Variants in NIPSNAP3B observed in about 807,000 individuals in gnomAD.
NIPSNAP3B encodes nipsnap homolog 3B.
NIPSNAP3B carries 30 observed loss-of-function variants against 31.5 expected under a neutral mutation model. That is an observed-to-expected ratio of 0.95 (90% CI 0.71 to 1.29). NIPSNAP3B has a LOEUF of 1.29. Ranked by LOEUF, NIPSNAP3B falls within the 50% of genes most tolerant of loss-of-function variation. The pLI, the probability that NIPSNAP3B is intolerant of heterozygous loss-of-function variation, is 0.00. For missense variants in NIPSNAP3B, 269 were observed against 300.7 expected, an observed-to-expected ratio of 0.89 and a Z score of 0.78; for synonymous variants, 106 against 107.9, an observed-to-expected ratio of 0.98 and a Z score of 0.11.
intron 2 of NIPSNAP3B, among the ~76,000 whole-genome samples, chr9:104,767,524 G>A (rs1373234185): frequency 2.0e-5 from 3 of 152,100 alleles, no homozygotes; most frequent in Non-Finnish European, 2.9e-5. Flanking sequence ...AATTTAATAT[G>A]AAAAGTGTTC....
At chr9:104,788,598 T>G in the NIPSNAP3B span, 5 of 1,613,458 alleles carry the variant, frequency 3.1e-6, no homozygotes, top group Non-Finnish European at 4.2e-6. Flanking sequence ...ACTTAGATTT[T>G]AAGCAGGTAG....
downstream of NIPSNAP3B, chr9:104,782,574 G>A (rs1828606598): frequency 6.6e-6 from 1 of 152,092 alleles, no homozygotes; most frequent in Non-Finnish European, 1.5e-5. Flanking sequence ...AGAAAAATAA[G>A]ACTGGGTTAG....
At chr9:104,771,020 A>G (rs750539868) in intron 4 of NIPSNAP3B, 22 bp downstream of exon 4, 42 of 1,611,430 alleles carry the variant, frequency 2.6e-5, no homozygotes, top group Non-Finnish European at 2.7e-5. Flanking sequence ...CATTTGTTCT[A>G]TGAAGTTGCC....
In NIPSNAP3B at chr9:104,772,830, C is replaced by T; in HGVS notation, c.589C>T (p.Leu197Phe). ...EYGELNRVHV[L>F]WWNESADSRA... The stretch of plus-strand genomic sequence containing the variant: ...GTGGTTTATTTCTGCAGTTCATGTT[C>T]TTTGGTGGAATGAGAGTGCAGATAG... The change falls in exon 5 of 6, where the codon CTT (leucine) becomes TTT (phenylalanine). Residue 197 changes from leucine to phenylalanine, a missense_variant. Transcript: ENST00000374762. 1 of 1,612,612 alleles carries T rather than the reference C, an allele frequency of 6.2e-7. No homozygotes were observed. The highest frequency in any genetic ancestry group is 8.5e-7 in the Non-Finnish European group (1 of 1,179,276).
In NIPSNAP3B at chr9:104,773,372, T is replaced by G. The variant is rs958117678; in HGVS notation, c.*299T>G. On this transcript the variant is annotated 3_prime_UTR_variant, in exon 6 of 6. Coordinates refer to ENST00000374762, the MANE Select transcript of NIPSNAP3B (RefSeq NM_018376.4). ...ACCTCTTCTGTATTTTGATAACTCA[T>G]TGCTTTATAGCATTTTCTTTTACTC... 1.5e-5 allele frequency: 4 copies of G among 261,936 alleles called. No homozygotes were observed. Among genetic ancestry groups the G allele is most frequent in the Non-Finnish European group, 2.2e-5 (3 of 138,226 alleles). 16.2% of individuals were successfully genotyped at this position (261,936 alleles called of 1,614,324 possible).
At chr9:104,786,273 A>G in the NIPSNAP3B span, 1 of 1,574,200 alleles carries the variant, frequency 6.4e-7, no homozygotes, top group Non-Finnish European at 8.7e-7. Flanking sequence ...ACTAGGCACT[A>G]TCCCAAAGAA....
chr9:104,780,630 T>A (rs936664872), downstream of NIPSNAP3B, among the ~76,000 whole-genome samples: 8 of 152,194 alleles, frequency 5.3e-5, no homozygotes, highest in Non-Finnish European at 1.0e-4. Flanking sequence ...TGTCCTTATA[T>A]TTTTGGTTGA....
At chr9:104,767,676 T>G (rs114587458) in intron 2 of NIPSNAP3B, among the ~76,000 whole-genome samples, 1,692 of 152,282 alleles carry the variant, frequency 0.011, 29 homozygotes, top group African/African-American at 0.039. Context: ...TATAATTCAT[T>G]TATATGCTTT....
intron 1 of NIPSNAP3B, among the ~76,000 whole-genome samples, chr9:104,764,649 C>A (rs914421911): frequency 9.8e-5 from 15 of 152,344 alleles, no homozygotes; most frequent in African/African-American, 3.4e-4. Flanking sequence ...AAGCGATTCT[C>A]CTGCCTCATC....
chr9:104,764,456 G>T (rs1318801547), intron 1 of NIPSNAP3B, among the ~76,000 whole-genome samples, 156 bp downstream of exon 1: 1 of 152,238 alleles, frequency 6.6e-6, no homozygotes, highest in African/African-American at 2.4e-5. Flanking sequence ...CGTCTGGCGC[G>T]CAAGGAGGAG....
At chr9:104,764,395 C>A in intron 1 of NIPSNAP3B, 95 bp downstream of exon 1, 1 of 1,128,914 alleles carries the variant, frequency 8.9e-7, no homozygotes, top group Non-Finnish European at 1.2e-6. Context: ...CAGGCGCTCC[C>A]AGACCTGGGG....
chr9:104,785,466 C>CTGAA, the NIPSNAP3B span: 1 of 1,594,500 alleles, frequency 6.3e-7, no homozygotes, highest in Non-Finnish European at 8.6e-7. Flanking sequence ...GGAGAGGATG[C>CTGAA]TGAATATCCT....
chr9:104,788,041 G>A, the NIPSNAP3B span: 329 of 1,614,110 alleles, frequency 2.0e-4, no homozygotes, highest in Middle Eastern at 1.8e-3. Context: ...TTTCCGAATC[G>A]CCCACTCACC....
At chr9:104,764,383 C>T in intron 1 of NIPSNAP3B, 83 bp downstream of exon 1, 2 of 1,241,982 alleles carry the variant, frequency 1.6e-6, no homozygotes, top group South Asian at 3.0e-5. Flanking sequence ...GCGAGCCACG[C>T]TCAGGCGCTC....
chr9:104,770,956 G>C lies in NIPSNAP3B; in HGVS notation c.538G>C (p.Val180Leu). 1 of 1,613,922 alleles carries C rather than the reference G, an allele frequency of 6.2e-7. No homozygotes were observed. The highest frequency in any genetic ancestry group is 8.5e-7 in the Non-Finnish European group (1 of 1,179,816). The change falls in exon 4 of 6, where the codon GTA (valine) becomes CTA (leucine). Residue 180 changes from valine to leucine, a missense_variant. Coordinates refer to ENST00000374762, the MANE Select transcript of NIPSNAP3B (RefSeq NM_018376.4). ...NAHVNLGYTK[V>L]VGVFHTEYGE... is the part of the protein sequence containing the mutation. ...CCATGTCAATTTAGGCTACACAAAA[G>C]TAGTTGGTGTTTTCCACACAGAATA...
intron 1 of NIPSNAP3B, 87 bp downstream of exon 1, chr9:104,764,387 G>T: frequency 8.3e-7 from 1 of 1,209,850 alleles, no homozygotes; most frequent in African/African-American, 1.6e-5. Context: ...GCCACGCTCA[G>T]GCGCTCCCAG....
chr9:104,789,462 G>A, the NIPSNAP3B span, among the ~76,000 whole-genome samples: 7 of 152,216 alleles, frequency 4.6e-5, no homozygotes, highest in Non-Finnish European at 8.8e-5. Flanking sequence ...CAGGAGAGGA[G>A]ATCATGAATA....
the NIPSNAP3B span, chr9:104,782,848 TA>T: frequency 0.31 from 41,813 of 136,024 alleles, 6,115 homozygotes; most frequent in East Asian, 0.54. Context: ...TTGTTGCAAT[TA>T]AAAAAAAAAA....
Position 104,773,240 on chromosome 9 carries a change from T to G in NIPSNAP3B, c.*167T>G. On this transcript the variant is annotated 3_prime_UTR_variant, in exon 6 of 6. Transcript: ENST00000374762. ...TTGAAAGTTACATATTCTCCACTGCTTTAAGAAATAATTCAGTTCACTTTC... is the reference window on the plus strand; with the variant it reads ...TTGAAAGTTACATATTCTCCACTGCGTTAAGAAATAATTCAGTTCACTTTC... 1.6e-6 allele frequency: 1 copy of G among 638,996 alleles called. No individual in the cohort carries two copies. The highest frequency in any genetic ancestry group is 2.7e-6 in the Non-Finnish European group (1 of 371,440). The allele number at this position is 638,996 out of a possible 1,614,324, so 39.6% of individuals were successfully genotyped here. A position where few individuals can be genotyped will look rare whatever the true frequency, so the allele number is the denominator to read the frequency against.
Sources: allele counts gnomAD v4.1 joint callset (sites outside exome capture counted in the v4.1 genomes callset), GRCh38; gene constraint gnomAD v4.1.1; transcripts MANE v1.5; gene names NCBI Gene and HGNC (gene_info 2026-07-23, HGNC 2026-07-21).